The following RARB variants were observed in gnomAD, a reference collection of about 807,000 sequenced individuals.
The protein encoded by RARB is HBV-activated protein.
In RARB, 17 loss-of-function variants were observed where a neutral mutation model predicts 51.9. The observed-to-expected ratio is 0.33, with a 90% CI of 0.22 to 0.49. The LOEUF is 0.49. Ranked by LOEUF, RARB falls within the 20% of genes least tolerant of loss-of-function variation. The probability of loss-of-function intolerance (pLI) is 0.99; values close to 1 mark genes in which losing one functional copy is unlikely to be tolerated. For synonymous variants in RARB, 215 were observed against 195.4 expected, an observed-to-expected ratio of 1.10 and a Z score of -0.84; for missense variants, 369 against 550.8, an observed-to-expected ratio of 0.67 and a Z score of 3.30.
At chr3:25,312,406 A>G (rs753494216) in intron 5 of RARB, among the ~76,000 whole-genome samples, 6 of 151,908 alleles carry the variant, frequency 3.9e-5, no homozygotes, top group Non-Finnish European at 7.4e-5. Context: ...AAGTTAAAGG[A>G]CTCATTCAGG....
intron 3 of RARB, among the ~76,000 whole-genome samples, chr3:25,097,954 A>G (rs1699331495): frequency 6.6e-6 from 1 of 152,192 alleles, no homozygotes; most frequent in Admixed American, 6.6e-5. Context: ...CCCTACCTTT[A>G]ACTTGTTTAA....
At chr3:25,365,247 C>A (rs949593812) in intron 5 of RARB, among the ~76,000 whole-genome samples, 32 of 104,410 alleles carry the variant, frequency 3.1e-4, no homozygotes, top group African/African-American at 1.1e-3. Flanking sequence ...TCAAGGGATT[C>A]TAGCCAGGAA....
chr3:25,156,840 C>T (rs1347020950), intron 4 of RARB, among the ~76,000 whole-genome samples: 1 of 152,194 alleles, frequency 6.6e-6, no homozygotes, highest in Admixed American at 6.5e-5. Context: ...AAAAGAGGTG[C>T]TGTCTCTAGC....
At chr3:25,197,724 A>C (rs943309347) in intron 5 of RARB, among the ~76,000 whole-genome samples, 4 of 152,006 alleles carry the variant, frequency 2.6e-5, no homozygotes, top group Non-Finnish European at 5.9e-5. Context: ...CTAGGAGTAA[A>C]CCAAAGAAAT....
intron 2 of RARB, among the ~76,000 whole-genome samples, chr3:24,967,128 G>T (rs2125415132): frequency 6.6e-6 from 1 of 152,184 alleles, no homozygotes; most frequent in East Asian, 1.9e-4. Flanking sequence ...AAAATCAGAA[G>T]ATCTGGCAAC....
chr3:25,097,255 A>G (rs559993755), intron 3 of RARB, among the ~76,000 whole-genome samples: 18 of 152,198 alleles, frequency 1.2e-4, no homozygotes, highest in Non-Finnish European at 2.2e-4. Flanking sequence ...ACCAAACACT[A>G]TTTGATGACT....
chr3:25,122,129 TCA>T (rs1463906032), intron 3 of RARB, among the ~76,000 whole-genome samples: 1 of 152,138 alleles, frequency 6.6e-6, no homozygotes, highest in Non-Finnish European at 1.5e-5. Context: ...ATGCCAGATC[TCA>T]CACTACACCC....
chr3:24,879,061 T>G (rs191078394), intron 2 of RARB, among the ~76,000 whole-genome samples: 1 of 152,178 alleles, frequency 6.6e-6, no homozygotes, highest in African/African-American at 2.4e-5. Flanking sequence ...TTTTATGTTT[T>G]ATATATTTTT....
chr3:25,390,009 C>T (rs748993402), intron 5 of RARB, among the ~76,000 whole-genome samples: 2 of 151,956 alleles, frequency 1.3e-5, no homozygotes, highest in Non-Finnish European at 2.9e-5. Flanking sequence ...ACAAGGCTGG[C>T]GGAAAGATAA....
At chr3:25,150,648 C>T (rs1313761398) in intron 4 of RARB, among the ~76,000 whole-genome samples, 1 of 152,148 alleles carries the variant, frequency 6.6e-6, no homozygotes, top group East Asian at 1.9e-4. Flanking sequence ...GAGAGAACAG[C>T]CCCAGGTTAG....
At chr3:25,264,122 T>TA (rs796384364) in intron 5 of RARB, among the ~76,000 whole-genome samples, 2,999 of 151,114 alleles carry the variant, frequency 0.02, 54 homozygotes, top group South Asian at 0.022. Flanking sequence ...TTTTTTTTTT[T>TA]AAAAAAAGGT....
intron 5 of RARB, among the ~76,000 whole-genome samples, chr3:25,285,897 C>T (rs566017910): frequency 6.6e-6 from 1 of 152,238 alleles, no homozygotes; most frequent in Admixed American, 6.5e-5. Flanking sequence ...CCAATATACA[C>T]ATACAAATAC....
At chr3:25,143,773 G>A (rs747360520) in intron 4 of RARB, among the ~76,000 whole-genome samples, 16 of 152,144 alleles carry the variant, frequency 1.1e-4, no homozygotes, top group Non-Finnish European at 2.1e-4. Flanking sequence ...GGAGTTACGT[G>A]ACTTGAAGCA....
intron 5 of RARB, among the ~76,000 whole-genome samples, chr3:25,318,663 A>C (rs1453085472): frequency 1.3e-5 from 2 of 152,164 alleles, no homozygotes; most frequent in East Asian, 3.9e-4. Context: ...TAAAGAAGGA[A>C]ATCTTTAGGA....
intron 2 of RARB, among the ~76,000 whole-genome samples, chr3:24,870,083 T>C (rs1365015671): frequency 6.6e-6 from 1 of 152,072 alleles, no homozygotes; most frequent in East Asian, 1.9e-4. Context: ...TTTCTAAAAG[T>C]TCTTTGTATA....
chr3:25,268,390 G>A (rs1444502761), intron 5 of RARB, among the ~76,000 whole-genome samples: 19 of 147,324 alleles, frequency 1.3e-4, no homozygotes, highest in Non-Finnish European at 9.0e-5. Context: ...CCAGAAAATA[G>A]AAAAAAAAAA....
In RARB at chr3:25,136,913, T is replaced by A. The variant is rs77163268; in HGVS notation, c.-280+4705T>A. ...TATTTGGCAAGTTGGGCCAAGATTGTTAATGGTATCAACAACCGCACAGAT... is the reference window on the plus strand; with the variant it reads ...TATTTGGCAAGTTGGGCCAAGATTGATAATGGTATCAACAACCGCACAGAT... On this transcript the variant is annotated intron_variant, in intron 4 of 11. Coordinates refer to the RARB transcript ENST00000383772. Among the ~76,000 whole-genome samples the A allele has an allele frequency of 8.8e-4, 134 of 152,146 alleles. No individual in the cohort carries two copies. In the East Asian group the frequency reaches 0.022, roughly 25 times the overall value.
chr3:25,313,057 ATG>A (rs1704328754), intron 5 of RARB, among the ~76,000 whole-genome samples: 1 of 152,186 alleles, frequency 6.6e-6, no homozygotes, highest in South Asian at 2.1e-4. Context: ...ATTACTTTCC[ATG>A]TTAAGGCTTC....
intron 1 of RARB, among the ~76,000 whole-genome samples, chr3:24,839,719 A>G (rs865859269): frequency 1.3e-3 from 54 of 41,378 alleles, no homozygotes; most frequent in East Asian, 1.5e-3. Context: ...AAAAAAAAAA[A>G]GGGGGGGGGG....
Sources: gnomAD v4.1 joint callset for allele counts (sites outside exome capture counted in the v4.1 genomes callset) on GRCh38, gnomAD v4.1.1 for gene constraint, MANE v1.5 for transcripts, NCBI Gene and HGNC (gene_info 2026-07-23, HGNC 2026-07-21) for gene names.